The following SLIT2 variants were observed in gnomAD, a reference collection of about 807,000 sequenced individuals.
SLIT2 encodes slit guidance ligand 2.
Under a neutral mutation model 185.7 loss-of-function variants are expected in SLIT2, and 41 were observed. The observed-to-expected ratio is 0.22, with a 90% CI of 0.17 to 0.29. SLIT2 has a LOEUF of 0.29. SLIT2 is among the 10% of genes least tolerant of loss of function. The probability of loss-of-function intolerance (pLI) is 1.00; values close to 1 mark genes in which losing one functional copy is unlikely to be tolerated. For synonymous variants in SLIT2, 693 were observed against 680.2 expected, an observed-to-expected ratio of 1.02 and a Z score of -0.29; for missense variants, 1,571 against 1,909.0, an observed-to-expected ratio of 0.82 and a Z score of 3.30.
chr4:20,273,021 G>A (rs565115918), intron 4 of SLIT2, among the ~76,000 whole-genome samples: 8 of 152,222 alleles, frequency 5.3e-5, no homozygotes, highest in African/African-American at 1.4e-4. Flanking sequence ...TTATCTCTCA[G>A]ATAGGATTTC....
intron 7 of SLIT2, 148 bp from the exon 8 acceptor site, chr4:20,488,671 G>A: frequency 2.0e-6 from 1 of 502,488 alleles, no homozygotes. Context: ...TTGATTCTGT[G>A]ATTGTACATC....
chr4:20,337,165 C>T (rs141217453), intron 4 of SLIT2, among the ~76,000 whole-genome samples: 1 of 152,026 alleles, frequency 6.6e-6, no homozygotes, highest in African/African-American at 2.4e-5. Flanking sequence ...AAGACATACC[C>T]GAGACTAGGT....
chr4:20,320,240 C>A (rs916113534), intron 4 of SLIT2, among the ~76,000 whole-genome samples: 1 of 152,088 alleles, frequency 6.6e-6, no homozygotes, highest in African/African-American at 2.4e-5. Context: ...TATTCCCAGC[C>A]CCAACATTCT....
rs765566478 is a variant in SLIT2, at chr4:20,553,793, T to G, written c.2562-12T>G. On this transcript the variant is annotated splice_polypyrimidine_tract_variant and intron_variant, in intron 25 of 36. Transcript: ENST00000504154. ...TGTATGTGTGTGTGCTTCTGTGGTG[T>G]TGTTTTTCCAGAGCAATTGGAGCCA... 3.5e-5 allele frequency: 54 copies of G among 1,555,382 alleles called. No individual in the cohort carries two copies. The highest frequency in any genetic ancestry group is 1.8e-4 in the Middle Eastern group (1 of 5,682).
rs925441013 is a variant in SLIT2 at position 20,590,101 on chromosome 4, T to C, written c.3182+364T>C. 2.6e-5 allele frequency among the ~76,000 whole-genome samples: 4 copies of C among 151,978 alleles called. 1 individual carries two copies. The highest frequency in any genetic ancestry group is 5.9e-5 in the Non-Finnish European group (4 of 67,992). On this transcript the variant is annotated intron_variant, in intron 30 of 36. Transcript: ENST00000504154. ...TTTGTATTTTTAGTAGAGACGGGGT[T>C]TCACCGTGTTAGCCAGGATGGTCTC...
chr4:20,347,712 C>T (rs1055270024), intron 4 of SLIT2, among the ~76,000 whole-genome samples: 3 of 152,198 alleles, frequency 2.0e-5, no homozygotes, highest in Non-Finnish European at 4.4e-5. Flanking sequence ...CCAAGTTAGG[C>T]AACTGAGAAG....
Position 20,533,728 on chromosome 4 carries a change from A to G in SLIT2, c.1832+13A>G. 1.9e-6 allele frequency: 3 copies of G among 1,605,656 alleles called. No individual in the cohort carries two copies. The highest frequency in any genetic ancestry group is 2.2e-5 in the East Asian group (1 of 44,846). On this transcript the variant is annotated intron_variant, in intron 18 of 36. Coordinates refer to ENST00000504154, the MANE Select transcript of SLIT2 (RefSeq NM_004787.4). ...GCCTCAAAACTTTGTAAGTATTTGT[A>G]CTTGCATTGCAGTTCTTCTACCAAA... is the stretch of plus-strand genomic sequence containing the variant.
At chr4:20,420,071 G>A (rs565840151) in intron 4 of SLIT2, among the ~76,000 whole-genome samples, 2 of 152,144 alleles carry the variant, frequency 1.3e-5, no homozygotes, top group Non-Finnish European at 2.9e-5. Context: ...GATAACCACT[G>A]TCTCTAATAT....
Position 20,351,445 on chromosome 4 carries a change from T to G in SLIT2, c.395+82564T>G, listed in dbSNP as rs188175229. On this transcript the variant is annotated intron_variant, in intron 4 of 36. Transcript: ENST00000504154. Reference sequence around the variant, plus strand: ...AGGACATAGAAAGTAACTCTTTTTCTATTGCAATTTCCCTGTCTTCATAAA... The same window carrying G: ...AGGACATAGAAAGTAACTCTTTTTCGATTGCAATTTCCCTGTCTTCATAAA... Among the ~76,000 whole-genome samples, 19 of 152,346 alleles carry G rather than the reference T, an allele frequency of 1.2e-4. 1 individual carries two copies. The East Asian group carries it at 3.7e-3, about 29-fold the overall frequency.
At chr4:20,330,555 T>A (rs4696955) in intron 4 of SLIT2, among the ~76,000 whole-genome samples, 1 of 151,996 alleles carries the variant, frequency 6.6e-6, no homozygotes, top group Non-Finnish European at 1.5e-5. Flanking sequence ...AAAAATGAAT[T>A]AATAGTTTTA....
intron 4 of SLIT2, among the ~76,000 whole-genome samples, chr4:20,400,472 G>A (rs1726259248): frequency 6.6e-6 from 1 of 151,732 alleles, no homozygotes; most frequent in Non-Finnish European, 1.5e-5. Flanking sequence ...ACACAAATGA[G>A]ATAGGAAATA....
chr4:20,576,338 A>G (rs1726084275), intron 29 of SLIT2, among the ~76,000 whole-genome samples: 1 of 152,118 alleles, frequency 6.6e-6, no homozygotes, highest in Non-Finnish European at 1.5e-5. Flanking sequence ...TTTTAATTGT[A>G]CTTTGTATGC....
chr4:20,489,796 AT>A (rs1717609688), intron 8 of SLIT2: 1 of 152,448 alleles, frequency 6.6e-6, no homozygotes. Context: ...AAAAATAAAA[AT>A]AAAAAATAGG....
chr4:20,451,916 T>C (rs1712518669), intron 4 of SLIT2, among the ~76,000 whole-genome samples: 1 of 152,250 alleles, frequency 6.6e-6, no homozygotes, highest in African/African-American at 2.4e-5. Flanking sequence ...AGAGATTCAG[T>C]GTAAGTATGA....
In SLIT2 at chr4:20,470,484, CTGTGTGTGTGTGTGTGTGTG is replaced by C. The variant is rs540814034; in HGVS notation, c.467+2691_467+2710del. On this transcript the variant is annotated intron_variant, in intron 5 of 36. Coordinates refer to ENST00000504154, the MANE Select transcript of SLIT2 (RefSeq NM_004787.4). ...GAGTAAAACCATAGTGCAGTGGAGT[CTGTGTGTGTGTGTGTGTGTG>C]TGTGTGTGTGTGTGTGTGTGTGTGT... 1.9e-3 allele frequency among the ~76,000 whole-genome samples: 241 copies of C among 129,282 alleles called. 4 individuals are homozygous for C. The South Asian group carries it at 0.037, about 20-fold the overall frequency. The allele number at this position is 129,282 out of a possible 152,430, so 84.8% of individuals were successfully genotyped here. A position where few individuals can be genotyped will look rare whatever the true frequency, so the allele number is the denominator to read the frequency against.
chr4:20,327,439 A>C (rs1719686745), intron 4 of SLIT2, among the ~76,000 whole-genome samples: 1 of 152,080 alleles, frequency 6.6e-6, no homozygotes, highest in Non-Finnish European at 1.5e-5. Flanking sequence ...ATTCCAAAAA[A>C]GTTATTTTAG....
chr4:20,277,661 AT>A (rs940983492), intron 4 of SLIT2, among the ~76,000 whole-genome samples: 18 of 150,544 alleles, frequency 1.2e-4, no homozygotes, highest in Non-Finnish European at 1.6e-4. Context: ...AGCATATTCT[AT>A]TGGTAAGTTA....
chr4:20,554,812 G>A (rs1463936221), intron 26 of SLIT2, among the ~76,000 whole-genome samples: 1 of 151,854 alleles, frequency 6.6e-6, no homozygotes, highest in East Asian at 1.9e-4. Flanking sequence ...AGCCCAGGCT[G>A]GAGTGCAGTG....
intron 4 of SLIT2, among the ~76,000 whole-genome samples, chr4:20,351,058 T>G (rs1721829371): frequency 6.6e-6 from 1 of 151,732 alleles, no homozygotes; most frequent in Admixed American, 6.6e-5. Flanking sequence ...TTTTCTTTTT[T>G]TTTTTTTGAG....
Sources: allele counts gnomAD v4.1 joint callset (sites outside exome capture counted in the v4.1 genomes callset), GRCh38; gene constraint gnomAD v4.1.1; transcripts MANE v1.5; gene names NCBI Gene and HGNC (gene_info 2026-07-23, HGNC 2026-07-21).